The following TNFRSF10A variants were observed in gnomAD, a reference collection of about 807,000 sequenced individuals.
The protein encoded by TNFRSF10A is TNF receptor superfamily member 10a.
Under a neutral mutation model 42.8 loss-of-function variants are expected in TNFRSF10A, and 44 were observed. The observed-to-expected ratio is 1.03, with a 90% CI of 0.81 to 1.32. The LOEUF is 1.32. TNFRSF10A is among the 40% of genes most tolerant of loss of function. The pLI, the probability that TNFRSF10A is intolerant of heterozygous loss-of-function variation, is 0.00. For synonymous variants in TNFRSF10A, 259 were observed against 234.2 expected, an observed-to-expected ratio of 1.11 and a Z score of -0.97; for missense variants, 680 against 602.0, an observed-to-expected ratio of 1.13 and a Z score of -1.36.
At chr8:23,206,222 A>G (rs951152556) in intron 2 of TNFRSF10A, among the ~76,000 whole-genome samples, 1 of 152,218 alleles carries the variant, frequency 6.6e-6, no homozygotes, top group Non-Finnish European at 1.5e-5. Context: ...AAATAGTTAC[A>G]CGAAGTTAAT....
chr8:23,214,029 C>G (rs902528035), intron 1 of TNFRSF10A, among the ~76,000 whole-genome samples: 1 of 151,642 alleles, frequency 6.6e-6, no homozygotes, highest in African/African-American at 2.4e-5. Flanking sequence ...TCATCTGTCT[C>G]AAGATATTTT....
At position 23,197,152 on chromosome 8, in the gene TNFRSF10A, T is replaced by A; in HGVS notation, c.1067A>T (p.Asn356Ile). The A allele has an allele frequency of 1.2e-6, 2 of 1,614,102 alleles. No homozygotes were observed. Among genetic ancestry groups the A allele is most frequent in the Non-Finnish European group, 1.7e-6 (2 of 1,179,980 alleles). Residue 356 changes from asparagine to isoleucine, a missense_variant, in exon 9 of 10, where the codon AAT becomes ATT. Transcript: ENST00000221132. ...SQRRRLLVPANGADPTETLML... is the reference protein window; with the variant it reads ...SQRRRLLVPAIGADPTETLML... ...CTTACTCTCAGTGGGGTCAGCACCA[T>A]TTGCTGGAACCAGCAGCCTCCTCCT...
chr8:23,193,197 G>T (rs1379009502), intron 9 of TNFRSF10A, among the ~76,000 whole-genome samples: 1 of 152,150 alleles, frequency 6.6e-6, no homozygotes, highest in Non-Finnish European at 1.5e-5. Context: ...AAACCCCTGA[G>T]GTTTTGGTAA....
At chr8:23,224,532 A>C in intron 1 of TNFRSF10A, 2 of 574,176 alleles carry the variant, frequency 3.5e-6, no homozygotes, top group South Asian at 4.1e-5. Context: ...CCCCGGGCCC[A>C]GCCTCCTGCG....
At chr8:23,217,217 A>G (rs1163826531) in intron 1 of TNFRSF10A, among the ~76,000 whole-genome samples, 2 of 149,456 alleles carry the variant, frequency 1.3e-5, no homozygotes, top group Admixed American at 1.3e-4. Context: ...TGATGAATTC[A>G]TTTTTTTTTT....
intron 1 of TNFRSF10A, 39 bp from the exon 2 acceptor site, chr8:23,212,251 A>AGATCTCACCCATTACAAGATC (rs1801103101): frequency 2.6e-6 from 4 of 1,547,342 alleles, no homozygotes; most frequent in Non-Finnish European, 3.6e-6. Flanking sequence ...AGTGGCTTCC[A>AGATCTCACCCATTACAAGATC]GATCTCACCC....
At chr8:23,209,716 TA>T (rs1453919629) in intron 2 of TNFRSF10A, among the ~76,000 whole-genome samples, 1 of 152,232 alleles carries the variant, frequency 6.6e-6, no homozygotes, top group African/African-American at 2.4e-5. Context: ...GTACCCCCAT[TA>T]TATCTAGGAA....
chr8:23,209,333 G>A (rs1468590322), intron 2 of TNFRSF10A, among the ~76,000 whole-genome samples: 2 of 152,246 alleles, frequency 1.3e-5, no homozygotes, highest in Non-Finnish European at 2.9e-5. Context: ...GCCCCCACAC[G>A]GAGTCCCTAC....
At chr8:23,224,124 C>A (rs929881958) in intron 1 of TNFRSF10A, among the ~76,000 whole-genome samples, 1 of 151,810 alleles carries the variant, frequency 6.6e-6, no homozygotes, top group Non-Finnish European at 1.5e-5. Context: ...CACAGTGAAA[C>A]CCCGTGACTA....
At chr8:23,223,131 T>C (rs1211847798) in intron 1 of TNFRSF10A, among the ~76,000 whole-genome samples, 1 of 152,220 alleles carries the variant, frequency 6.6e-6, no homozygotes, top group Non-Finnish European at 1.5e-5. Flanking sequence ...AGTGGCGTGG[T>C]CTCGGCTCAC....
Position 23,191,893 on chromosome 8 carries a change from C to T in TNFRSF10A, c.1208G>A (p.Gly403Asp). The change falls in exon 10 of 10, where the codon GGC (glycine) becomes GAC (aspartate). Residue 403 changes from glycine (G) to aspartate (D), a missense_variant. Gly to Asp is a moderately conservative substitution (Grantham distance 94). Coordinates refer to ENST00000221132, the MANE Select transcript of TNFRSF10A (RefSeq NM_003844.4). ...CATTGCATACAAGGCATCCCCTGGG[C>T]CTGCTGTACCAGCTCTGACCACATC... is the stretch of plus-strand genomic sequence containing the variant. ...EIDVVRAGTA[G>D]PGDALYAMLM... 1 of 1,614,164 alleles carries T rather than the reference C, an allele frequency of 6.2e-7. No homozygotes were observed. The highest frequency in any genetic ancestry group is 8.5e-7 in the Non-Finnish European group (1 of 1,180,028).
chr8:23,199,758 C>T, intron 7 of TNFRSF10A, 128 bp downstream of exon 7: 1 of 1,305,512 alleles, frequency 7.7e-7, no homozygotes, highest in Non-Finnish European at 1.1e-6. Context: ...CAATGCACAG[C>T]ATCCAGGCCA....
intron 8 of TNFRSF10A, among the ~76,000 whole-genome samples, chr8:23,198,113 C>G (rs761389728): frequency 6.6e-6 from 1 of 151,608 alleles, no homozygotes; most frequent in African/African-American, 2.4e-5. Context: ...AGATCATTGT[C>G]TAGATGAGCA....
chr8:23,208,402 T>C (rs1801047543), intron 2 of TNFRSF10A, among the ~76,000 whole-genome samples: 2 of 152,234 alleles, frequency 1.3e-5, no homozygotes, highest in Non-Finnish European at 2.9e-5. Flanking sequence ...TAACCAATGT[T>C]GCATTCCTAG....
At chr8:23,213,149 G>T (rs1028040312) in intron 1 of TNFRSF10A, among the ~76,000 whole-genome samples, 6 of 152,072 alleles carry the variant, frequency 3.9e-5, no homozygotes, top group African/African-American at 1.4e-4. Context: ...TAATTTACCA[G>T]TTTTATCAAT....
At chr8:23,192,224 G>A (rs544872497) in intron 9 of TNFRSF10A, among the ~76,000 whole-genome samples, 6 of 152,312 alleles carry the variant, frequency 3.9e-5, no homozygotes, top group South Asian at 2.1e-4. Context: ...GCTGACGGGC[G>A]TCAAGGTCAC....
At chr8:23,197,071 A>G in intron 9 of TNFRSF10A, 61 bp downstream of exon 9, 1 of 1,603,042 alleles carries the variant, frequency 6.2e-7, no homozygotes, top group Non-Finnish European at 8.5e-7. Context: ...TGGGGACACC[A>G]GTTAGGACAC....
At chr8:23,222,789 C>T (rs184950329) in intron 1 of TNFRSF10A, among the ~76,000 whole-genome samples, 63 of 152,250 alleles carry the variant, frequency 4.1e-4, no homozygotes, top group African/African-American at 1.3e-3. Flanking sequence ...CCACATTCCC[C>T]CAGGAGTTGT....
At chr8:23,207,429 T>C in intron 2 of TNFRSF10A, 6 of 486,574 alleles carry the variant, frequency 1.2e-5, no homozygotes, top group South Asian at 1.0e-4. Context: ...AAAACAAAGT[T>C]GAGGCCCAGA....
Sources: allele counts gnomAD v4.1 joint callset (sites outside exome capture counted in the v4.1 genomes callset), GRCh38; gene constraint gnomAD v4.1.1; transcripts MANE v1.5; gene names NCBI Gene and HGNC (gene_info 2026-07-23, HGNC 2026-07-21).